SYNPR: variants seen among roughly 807,000 people sequenced by gnomAD.
SYNPR encodes the protein synaptoporin.
A neutral mutation model predicts 32.9 loss-of-function variants in SYNPR; 23 were observed. The ratio of observed to expected loss-of-function variants is 0.70; its 90% CI spans 0.50 to 0.99. The LOEUF is 0.99. Among genes scored for constraint, SYNPR ranks in the 50% least tolerant of loss-of-function variants. The probability of loss-of-function intolerance (pLI) is 0.00; values close to 1 mark genes in which losing one functional copy is unlikely to be tolerated. For missense variants in SYNPR, 318 were observed against 349.3 expected, an observed-to-expected ratio of 0.91 and a Z score of 0.71; for synonymous variants, 146 against 135.9, an observed-to-expected ratio of 1.07 and a Z score of -0.52.
At chr3:63,327,139 C>T (rs1044626511) in intron 2 of SYNPR, among the ~76,000 whole-genome samples, 1 of 151,784 alleles carries the variant, frequency 6.6e-6, no homozygotes, top group African/African-American at 2.4e-5. Flanking sequence ...TAGTTATTGG[C>T]AATGAAGGAA....
At chr3:63,548,785 A>G (rs748959910) in intron 3 of SYNPR, among the ~76,000 whole-genome samples, 2 of 152,088 alleles carry the variant, frequency 1.3e-5, no homozygotes, top group Non-Finnish European at 2.9e-5. Flanking sequence ...CTGCTCCCCC[A>G]CACCTTAATC....
At chr3:63,417,805 G>A (rs1405135435) in intron 2 of SYNPR, among the ~76,000 whole-genome samples, 3 of 152,196 alleles carry the variant, frequency 2.0e-5, no homozygotes, top group African/African-American at 7.2e-5. Flanking sequence ...CTGGGACACA[G>A]GGCACCAAGT....
intron 4 of SYNPR, among the ~76,000 whole-genome samples, chr3:63,570,584 C>G (rs534083669): frequency 9.2e-5 from 14 of 152,276 alleles, no homozygotes; most frequent in Admixed American, 2.6e-4. Flanking sequence ...CCCAGCCTAT[C>G]AAAATTCAAC....
At chr3:63,481,447 A>ATGTGTGTG (rs1271874096) in intron 3 of SYNPR, among the ~76,000 whole-genome samples, 31 of 134,892 alleles carry the variant, frequency 2.3e-4, no homozygotes, top group East Asian at 8.6e-4. Flanking sequence ...ATATATATAT[A>ATGTGTGTG]TATATGTGTG....
intron 2 of SYNPR, among the ~76,000 whole-genome samples, chr3:63,361,326 G>A (rs908399994): frequency 1.3e-5 from 2 of 152,068 alleles, no homozygotes; most frequent in African/African-American, 4.8e-5. Flanking sequence ...GGTGGCTCAC[G>A]CCTGTAATCC....
the SYNPR span, chr3:63,203,101 T>TATATATATATATATATATATATATA: frequency 4.5e-5 from 6 of 134,382 alleles, no homozygotes; most frequent in African/African-American, 1.4e-4. Flanking sequence ...TATATATATA[T>TATATATATATATATATATATATATA]TTGCCACGTT....
At chr3:63,528,744 C>A (rs932539840) in intron 3 of SYNPR, among the ~76,000 whole-genome samples, 32 of 152,212 alleles carry the variant, frequency 2.1e-4, no homozygotes, top group African/African-American at 7.7e-4. Flanking sequence ...CCACTCAGCA[C>A]TGATGGAGTA....
intron 2 of SYNPR, among the ~76,000 whole-genome samples, chr3:63,295,530 A>G (rs2086785071): frequency 6.6e-6 from 1 of 152,214 alleles, no homozygotes; most frequent in South Asian, 2.1e-4. Context: ...GTCAAGAGCC[A>G]GTACTTGGCA....
At chr3:63,271,800 CTATA>C (rs1267923429) in intron 3 of SYNPR, among the ~76,000 whole-genome samples, 8 of 151,916 alleles carry the variant, frequency 5.3e-5, no homozygotes, top group Admixed American at 5.3e-4. Context: ...TATATAGCAT[CTATA>C]TATATCTATA....
chr3:63,305,874 A>G (rs2086904968), intron 2 of SYNPR, among the ~76,000 whole-genome samples: 1 of 151,986 alleles, frequency 6.6e-6, no homozygotes, highest in Admixed American at 6.6e-5. Flanking sequence ...GTCTCAAGAA[A>G]TCCCTCAGTC....
chr3:63,437,104 T>C (rs1700098792), intron 2 of SYNPR, among the ~76,000 whole-genome samples: 1 of 152,142 alleles, frequency 6.6e-6, no homozygotes, highest in Non-Finnish European at 1.5e-5. Context: ...CTCAAACTCC[T>C]GACCTCAAGT....
intron 2 of SYNPR, among the ~76,000 whole-genome samples, chr3:63,300,525 G>C (rs574126777): frequency 1.1e-4 from 16 of 152,160 alleles, no homozygotes; most frequent in African/African-American, 3.6e-4. Flanking sequence ...TTACTGCATA[G>C]CCTTTTCTCC....
intron 2 of SYNPR, among the ~76,000 whole-genome samples, chr3:63,372,791 G>C (rs1177788536): frequency 6.6e-6 from 1 of 152,212 alleles, no homozygotes; most frequent in African/African-American, 2.4e-5. Flanking sequence ...GCCCAGAAGA[G>C]TCAAGTAAAG....
intron 2 of SYNPR, among the ~76,000 whole-genome samples, chr3:63,308,685 T>C (rs925802895): frequency 6.6e-6 from 1 of 151,946 alleles, no homozygotes; most frequent in Non-Finnish European, 1.5e-5. Context: ...TCTGTAATTC[T>C]TATCTTTGTT....
chr3:63,556,600 G>A lies in SYNPR; in HGVS notation c.267G>A (p.Leu89=), dbSNP rs758304253. 3 of 1,613,810 alleles carry A rather than the reference G, an allele frequency of 1.9e-6. No individual in the cohort carries two copies. Among genetic ancestry groups the A allele is most frequent in the East Asian group, 2.2e-5 (1 of 44,838 alleles). The change falls in exon 4 of 6, where the codon CTG becomes CTA. Residue 89 remains leucine, a synonymous_variant. Coordinates refer to ENST00000478300, the MANE Select transcript of SYNPR (RefSeq NM_001130003.2). ...GCGAGGGAAAGGAACGGCAGAAGCTGGCATTGATTGGTGACTCCTCGTCTT... is the reference window on the plus strand; with the variant it reads ...GCGAGGGAAAGGAACGGCAGAAGCTAGCATTGATTGGTGACTCCTCGTCTT... ...PTCEGKERQK[L]ALIGDSSSSA...
intron 2 of SYNPR, among the ~76,000 whole-genome samples, chr3:63,300,359 A>G (rs2086832221): frequency 6.6e-6 from 1 of 151,976 alleles, no homozygotes; most frequent in Admixed American, 6.6e-5. Flanking sequence ...CTATCTACCA[A>G]TCATCTTCAT....
At chr3:63,501,963 A>C (rs913651718) in intron 3 of SYNPR, among the ~76,000 whole-genome samples, 2 of 152,162 alleles carry the variant, frequency 1.3e-5, no homozygotes, top group African/African-American at 4.8e-5. Flanking sequence ...GTATGCTGTA[A>C]GTGTAAAATA....
intron 2 of SYNPR, among the ~76,000 whole-genome samples, chr3:63,281,019 G>T (rs1429735862): frequency 5.9e-5 from 9 of 152,146 alleles, no homozygotes; most frequent in Non-Finnish European, 1.2e-4. Context: ...GAGAGTACTA[G>T]TTGCTGAAAA....
intron 2 of SYNPR, chr3:63,423,543 C>T (rs986448892): frequency 2.0e-5 from 3 of 152,236 alleles, no homozygotes; most frequent in Non-Finnish European, 2.9e-5. Flanking sequence ...TGACCATTTA[C>T]AGTAAGGCAT....
Sources: gnomAD v4.1 joint callset for allele counts (sites outside exome capture counted in the v4.1 genomes callset) on GRCh38, gnomAD v4.1.1 for gene constraint, MANE v1.5 for transcripts, NCBI Gene and HGNC (gene_info 2026-07-23, HGNC 2026-07-21) for gene names.